PRKD1: variants seen among roughly 807,000 people sequenced by gnomAD.
PRKD1 encodes serine/threonine-protein kinase D1.
A neutral mutation model predicts 95.9 loss-of-function variants in PRKD1; 63 were observed. The observed-to-expected ratio is 0.66, with a 90% CI of 0.54 to 0.81. PRKD1 has a LOEUF of 0.81. Ranked by LOEUF, PRKD1 falls within the 30% of genes least tolerant of loss-of-function variation. The pLI is 0.00. For missense variants in PRKD1, 1,048 were observed against 1,165.3 expected (o/e 0.90, Z 1.47); for synonymous variants, 425 against 423.1 (o/e 1.00, Z -0.05).
intron 1 of PRKD1, among the ~76,000 whole-genome samples, chr14:29,913,580 T>G (rs1894792421): frequency 6.6e-6 from 1 of 152,236 alleles, no homozygotes; most frequent in Admixed American, 6.5e-5. Context: ...GATGTAGTTT[T>G]TCATTCTTCA....
rs184220212 is a variant in PRKD1 at position 29,718,204 on chromosome 14, C to T, written c.403+7332G>A. 1.3e-4 allele frequency among the ~76,000 whole-genome samples: 20 copies of T among 152,166 alleles called. No individual in the cohort carries two copies. The East Asian group carries it at 2.1e-3, about 16-fold the overall frequency. On this transcript the variant is annotated intron_variant, in intron 2 of 17. Transcript: ENST00000331968. ...ATCTTGAATTGTAATCCCCACGTGTCGAGGCAGGGAAGTGGTTAAATTATG... is the reference window on the plus strand; with the variant it reads ...ATCTTGAATTGTAATCCCCACGTGTTGAGGCAGGGAAGTGGTTAAATTATG...
At chr14:29,733,686 CAT>C (rs1886569586) in intron 1 of PRKD1, among the ~76,000 whole-genome samples, 1 of 152,058 alleles carries the variant, frequency 6.6e-6, no homozygotes, top group Admixed American at 6.6e-5. Context: ...AACTCACTAT[CAT>C]GAGAATAGCA....
At chr14:29,588,707 T>C (rs1893018243) in intron 16 of PRKD1, among the ~76,000 whole-genome samples, 1 of 152,046 alleles carries the variant, frequency 6.6e-6, no homozygotes, top group Admixed American at 6.5e-5. Flanking sequence ...ATTTTGCCTT[T>C]AGTTCCTTCA....
At chr14:29,897,758 G>C (rs975707626) in intron 1 of PRKD1, among the ~76,000 whole-genome samples, 1 of 152,016 alleles carries the variant, frequency 6.6e-6, no homozygotes, top group Non-Finnish European at 1.5e-5. Flanking sequence ...GGCAGAAACT[G>C]GTTGCTTCCA....
At chr14:29,919,179 G>C (rs1044225111) in intron 1 of PRKD1, among the ~76,000 whole-genome samples, 1 of 152,162 alleles carries the variant, frequency 6.6e-6, no homozygotes, top group African/African-American at 2.4e-5. Context: ...ATTCCTGTGT[G>C]ATTGCATATT....
chr14:29,856,924 AG>A (rs1483759196), intron 1 of PRKD1, among the ~76,000 whole-genome samples: 2 of 152,204 alleles, frequency 1.3e-5, no homozygotes, highest in African/African-American at 4.8e-5. Context: ...ACAAGGGAAC[AG>A]TTCCTCTGGA....
intron 1 of PRKD1, among the ~76,000 whole-genome samples, chr14:29,858,056 T>G (rs1459783300): frequency 6.6e-6 from 1 of 152,186 alleles, no homozygotes; most frequent in Non-Finnish European, 1.5e-5. Flanking sequence ...TAGTTCTGAG[T>G]TCATACAACT....
In PRKD1 at chr14:29,810,094, C is replaced by T. The variant is rs985346824; in HGVS notation, c.265-84420G>A. Among the ~76,000 whole-genome samples, 13 of 152,124 alleles carry T rather than the reference C, an allele frequency of 8.5e-5. 1 individual carries two copies. Among genetic ancestry groups the T allele is most frequent in the African/African-American group, 2.7e-4 (11 of 41,430 alleles). On this transcript the variant is annotated intron_variant, in intron 1 of 17. Transcript: ENST00000331968. ...CAGTCAGAACACACACACTTAAGTT[C>T]GCTGTCTTATATGGGCACAATTTTT...
intron 16 of PRKD1, among the ~76,000 whole-genome samples, chr14:29,595,878 A>T (rs1893279516): frequency 6.6e-6 from 1 of 152,234 alleles, no homozygotes; most frequent in Non-Finnish European, 1.5e-5. Flanking sequence ...ATCAAGCATA[A>T]TGGTTAGCTG....
chr14:29,731,670 T>C (rs1886441933), intron 1 of PRKD1, among the ~76,000 whole-genome samples: 1 of 152,192 alleles, frequency 6.6e-6, no homozygotes. Context: ...ATTTATCCGT[T>C]TCATAATATG....
At chr14:29,714,010 A>G (rs1237645668) in intron 2 of PRKD1, among the ~76,000 whole-genome samples, 2 of 152,210 alleles carry the variant, frequency 1.3e-5, no homozygotes, top group Non-Finnish European at 2.9e-5. Context: ...AAAATTTAAA[A>G]CCCTGGAGAA....
At chr14:29,622,342 G>A (rs949733869) in intron 13 of PRKD1, among the ~76,000 whole-genome samples, 3 of 148,702 alleles carry the variant, frequency 2.0e-5, no homozygotes, top group Non-Finnish European at 4.4e-5. Context: ...TAGGGAGGTA[G>A]TTTATACTTC....
chr14:29,578,569 AAAG>A (rs1343201321), intron 16 of PRKD1, among the ~76,000 whole-genome samples: 15 of 148,542 alleles, frequency 1.0e-4, no homozygotes, highest in African/African-American at 2.2e-4. Flanking sequence ...AAAAAAAAAA[AAAG>A]AAGAAGTTGG....
chr14:29,663,591 C>T, intron 4 of PRKD1, 108 bp downstream of exon 4: 1 of 1,265,398 alleles, frequency 7.9e-7, no homozygotes, highest in Non-Finnish European at 1.1e-6. Flanking sequence ...TCATTAACAC[C>T]CTGGCTGCAT....
intron 1 of PRKD1, among the ~76,000 whole-genome samples, chr14:29,910,494 C>T (rs1894669152): frequency 6.6e-6 from 1 of 152,136 alleles, no homozygotes; most frequent in Non-Finnish European, 1.5e-5. Flanking sequence ...TTTCACAAAG[C>T]CCTAGAGACT....
Position 29,708,879 on chromosome 14 carries a change from A to G in PRKD1, c.403+16657T>C, listed in dbSNP as rs936217610. Among the ~76,000 whole-genome samples the G allele has an allele frequency of 2.0e-5, 3 of 152,184 alleles. No individual in the cohort carries two copies. In the East Asian group the frequency reaches 5.8e-4, roughly 29 times the overall value. On this transcript the variant is annotated intron_variant, in intron 2 of 17. Transcript: ENST00000331968. ...CCCTGTCTCAAAAACAAACAAACAAAACTTTAGGTCTTTAAATAAAAATAA... is the reference window on the plus strand; with the variant it reads ...CCCTGTCTCAAAAACAAACAAACAAGACTTTAGGTCTTTAAATAAAAATAA...
chr14:29,866,338 A>G (rs1892907021), intron 1 of PRKD1, among the ~76,000 whole-genome samples: 1 of 152,352 alleles, frequency 6.6e-6, no homozygotes, highest in South Asian at 2.1e-4. Context: ...TTGGCTACGT[A>G]TTAGCATCAT....
At chr14:29,581,638 C>A (rs1892759998) in intron 16 of PRKD1, among the ~76,000 whole-genome samples, 1 of 152,060 alleles carries the variant, frequency 6.6e-6, no homozygotes, top group African/African-American at 2.4e-5. Flanking sequence ...ATAATTATCT[C>A]AAAAATTAAC....
At chr14:29,776,873 A>G (rs894363821) in intron 1 of PRKD1, among the ~76,000 whole-genome samples, 1 of 152,200 alleles carries the variant, frequency 6.6e-6, no homozygotes, top group African/African-American at 2.4e-5. Flanking sequence ...TGAAGGAAAA[A>G]ATGTTAAGGG....
Sources: allele counts gnomAD v4.1 joint callset (sites outside exome capture counted in the v4.1 genomes callset), GRCh38; gene constraint gnomAD v4.1.1; transcripts MANE v1.5; gene names NCBI Gene and HGNC (gene_info 2026-07-23, HGNC 2026-07-21).